CHL1: variants seen among roughly 807,000 people sequenced by gnomAD.
CHL1 encodes cell adhesion molecule L1 like, also known as neural cell adhesion molecule L1-like protein.
Under a neutral mutation model 141.9 loss-of-function variants are expected in CHL1, and 96 were observed. That is an observed-to-expected ratio of 0.68 (90% CI 0.57 to 0.80). CHL1 has a LOEUF of 0.80. CHL1 is among the 30% of genes least tolerant of loss of function. The pLI is 0.00. For missense variants in CHL1, 1,820 were observed against 1,457.2 expected (o/e 1.25, Z -4.05); for synonymous variants, 613 against 502.2 (o/e 1.22, Z -2.95).
At chr3:278,496 T>C (rs922880523) in intron 2 of CHL1, among the ~76,000 whole-genome samples, 9 of 152,306 alleles carry the variant, frequency 5.9e-5, no homozygotes, top group South Asian at 2.1e-4. Flanking sequence ...CAAGCGTTCG[T>C]TAGTACCTCT....
At position 405,819 on chromosome 3, in the gene CHL1, T is replaced by C. The variant is rs1367573601; in HGVS notation, c.*108T>C. On this transcript the variant is annotated 3_prime_UTR_variant, in exon 28 of 28. Transcript: ENST00000256509. ...GAATAGAAACATGCTGGCCGAAGAT[T>C]TCATCCAGAAGTCAACATCCTGCAA... is the stretch of plus-strand genomic sequence containing the variant. 4 of 753,878 alleles carry C rather than the reference T, an allele frequency of 5.3e-6. No individual in the cohort carries two copies. The East Asian group carries it at 1.1e-4, about 20-fold the overall frequency. The allele number at this position is 753,878 out of a possible 1,614,324, so 46.7% of individuals were successfully genotyped here. A position where few individuals can be genotyped will look rare whatever the true frequency, so the allele number is the denominator to read the frequency against.
chr3:300,316 T>C (rs1698609638), intron 2 of CHL1, among the ~76,000 whole-genome samples: 4 of 152,132 alleles, frequency 2.6e-5, no homozygotes, highest in Admixed American at 2.6e-4. Flanking sequence ...GGCTGAATGC[T>C]AAAGTTTTTT....
At chr3:225,963 A>C (rs1001832191) in intron 1 of CHL1, among the ~76,000 whole-genome samples, 4 of 151,748 alleles carry the variant, frequency 2.6e-5, no homozygotes, top group Admixed American at 6.6e-5. Context: ...GAGCCGAGAT[A>C]GCACCAGTGC....
At chr3:304,092 G>T (rs1559225550) in intron 2 of CHL1, among the ~76,000 whole-genome samples, 1 of 151,704 alleles carries the variant, frequency 6.6e-6, no homozygotes, top group Non-Finnish European at 1.5e-5. Context: ...GTACCTGGTG[G>T]TAAGCTTTTT....
intron 5 of CHL1, among the ~76,000 whole-genome samples, chr3:338,965 C>T (rs936328262): frequency 3.9e-5 from 6 of 152,278 alleles, no homozygotes; most frequent in Non-Finnish European, 2.9e-5. Flanking sequence ...TAATTAACTA[C>T]TTTACAATAG....
At chr3:308,196 A>G (rs563025389) in intron 2 of CHL1, among the ~76,000 whole-genome samples, 6 of 152,216 alleles carry the variant, frequency 3.9e-5, no homozygotes, top group Non-Finnish European at 8.8e-5. Context: ...AATTTTATCA[A>G]CCGTCTATAT....
At chr3:300,732 A>C (rs1362525531) in intron 2 of CHL1, among the ~76,000 whole-genome samples, 1 of 152,124 alleles carries the variant, frequency 6.6e-6, no homozygotes, top group East Asian at 1.9e-4. Flanking sequence ...TGAAACTGAG[A>C]TAAGTGCTCT....
At chr3:227,043 AT>A (rs1455090467) in intron 1 of CHL1, among the ~76,000 whole-genome samples, 2 of 152,216 alleles carry the variant, frequency 1.3e-5, no homozygotes, top group African/African-American at 4.8e-5. Flanking sequence ...GGTAAAATGA[AT>A]GTTTATGCTT....
chr3:237,476 T>C (rs1692107615), intron 1 of CHL1, among the ~76,000 whole-genome samples: 1 of 152,198 alleles, frequency 6.6e-6, no homozygotes, highest in Admixed American at 6.6e-5. Flanking sequence ...CAGTTGAATA[T>C]AGCTTAAAAA....
chr3:388,722 A>T (rs1287884042), intron 19 of CHL1, among the ~76,000 whole-genome samples: 1 of 152,134 alleles, frequency 6.6e-6, no homozygotes, highest in Non-Finnish European at 1.5e-5. Flanking sequence ...TAAAATATGA[A>T]CATTCATATT....
chr3:365,334 T>C (rs952530391), intron 14 of CHL1, among the ~76,000 whole-genome samples: 1 of 152,240 alleles, frequency 6.6e-6, no homozygotes, highest in Non-Finnish European at 1.5e-5. Flanking sequence ...AATTTATTTT[T>C]GTTTCAAACT....
intron 12 of CHL1, 74 bp from the exon 13 acceptor site, chr3:361,625 G>A (rs9824442): frequency 0.58 from 562,616 of 963,628 alleles, 166,301 homozygotes; most frequent in Admixed American, 0.72. Context: ...GTATGACTAG[G>A]ACATAGAAAA....
intron 2 of CHL1, among the ~76,000 whole-genome samples, chr3:279,446 C>T (rs1696442914): frequency 6.6e-6 from 1 of 152,126 alleles, no homozygotes; most frequent in African/African-American, 2.4e-5. Context: ...AATTCATATA[C>T]AGCAAAGAAC....
intron 2 of CHL1, among the ~76,000 whole-genome samples, chr3:314,793 C>G (rs553478932): frequency 4.6e-5 from 7 of 152,128 alleles, no homozygotes; most frequent in Admixed American, 2.0e-4. Flanking sequence ...GAGGCCTAGA[C>G]TAGAATTCAT....
intron 2 of CHL1, among the ~76,000 whole-genome samples, chr3:287,263 G>C (rs956973929): frequency 6.6e-6 from 1 of 151,972 alleles, no homozygotes; most frequent in African/African-American, 2.4e-5. Flanking sequence ...GTAAATTCTA[G>C]TAGGTCAGTG....
intron 24 of CHL1, among the ~76,000 whole-genome samples, chr3:396,323 A>T (rs1708661470): frequency 6.6e-6 from 1 of 152,196 alleles, no homozygotes; most frequent in Non-Finnish European, 1.5e-5. Flanking sequence ...AGTAGTCCAA[A>T]CATGCAACTG....
chr3:237,037 C>T lies in CHL1; in HGVS notation c.-174-7576C>T, dbSNP rs117140775. 1.0e-3 allele frequency among the ~76,000 whole-genome samples: 155 copies of T among 152,244 alleles called. 2 individuals are homozygous for T. In the South Asian group the frequency reaches 0.028, roughly 28 times the overall value. ...CAAACTCGTTAGGACCTCTGACTTG[C>T]CTTGGAATGTTCTTTGCTGATATCT... On this transcript the variant is annotated intron_variant, in intron 1 of 27. Coordinates refer to ENST00000256509, the MANE Select transcript of CHL1 (RefSeq NM_006614.4).
At chr3:340,118 A>C (rs1397928257) in intron 5 of CHL1, among the ~76,000 whole-genome samples, 1 of 152,202 alleles carries the variant, frequency 6.6e-6, no homozygotes, top group Non-Finnish European at 1.5e-5. Flanking sequence ...TTATAACTGC[A>C]TTGCTCTTTT....
At chr3:284,313 A>T (rs950611211) in intron 2 of CHL1, among the ~76,000 whole-genome samples, 1 of 152,198 alleles carries the variant, frequency 6.6e-6, no homozygotes, top group East Asian at 1.9e-4. Flanking sequence ...AAGATGTGAA[A>T]AATTTATTCA....
Sources: allele counts gnomAD v4.1 joint callset (sites outside exome capture counted in the v4.1 genomes callset), GRCh38; gene constraint gnomAD v4.1.1; transcripts MANE v1.5; gene names NCBI Gene and HGNC (gene_info 2026-07-23, HGNC 2026-07-21).